SMAD2: variants seen among roughly 807,000 people sequenced by gnomAD.
SMAD2 encodes the protein SMAD family member 2, also known as MAD homolog 2.
SMAD2 carries 8 observed loss-of-function variants against 64.4 expected under a neutral mutation model. That is an observed-to-expected ratio of 0.12 (90% confidence interval 0.07 to 0.22). SMAD2 has a LOEUF of 0.22. Among genes scored for constraint, SMAD2 ranks in the 10% least tolerant of loss-of-function variants. The pLI, the probability that SMAD2 is intolerant of heterozygous loss-of-function variation, is 1.00. For synonymous variants in SMAD2, 203 were observed against 195.8 expected (o/e 1.04, Z -0.31); for missense variants, 289 against 561.2 (o/e 0.51, Z 4.90).
At chr18:47,842,448 G>C (rs1016148176) in intron 10 of SMAD2, among the ~76,000 whole-genome samples, 2 of 152,072 alleles carry the variant, frequency 1.3e-5, no homozygotes, top group African/African-American at 4.8e-5. Flanking sequence ...GCTGAGACAG[G>C]AGAGTCACTT....
intron 1 of SMAD2, among the ~76,000 whole-genome samples, chr18:47,920,906 A>G (rs2034533939): frequency 6.6e-6 from 1 of 152,216 alleles, no homozygotes; most frequent in Non-Finnish European, 1.5e-5. Context: ...TGTAATCCCA[A>G]AACTTTGAGG....
At position 47,818,196 on chromosome 18, in the gene SMAD2, G is replaced by T. The variant is rs145574739; in HGVS notation, c.*23631C>A. On this transcript the variant is annotated 3_prime_UTR_variant, in exon 11 of 11. Transcript: ENST00000262160. ...CTGCTGTTTCTGCCAGTGTTGAGATGAAACTCACTCCTTACGGCATTCCAG... is the reference window on the plus strand; with the variant it reads ...CTGCTGTTTCTGCCAGTGTTGAGATTAAACTCACTCCTTACGGCATTCCAG... 6 of 151,742 alleles carry T rather than the reference G, an allele frequency of 4.0e-5. No homozygotes were observed. Among genetic ancestry groups the T allele is most frequent in the African/African-American group, 1.5e-4 (6 of 41,268 alleles). The allele number at this position is 151,742 out of a possible 1,614,324, so 9.4% of individuals were successfully genotyped here.
At position 47,840,162 on chromosome 18, in the gene SMAD2, C is replaced by T. The variant is rs1913804317; in HGVS notation, c.*1665G>A. On this transcript the variant is annotated 3_prime_UTR_variant, in exon 11 of 11. Transcript: ENST00000262160. ...CACAAATATAGGAAAATGGGGAGTA[C>T]CCAATAGAAAACCACCAAATGTTGA... The T allele has an allele frequency of 4.3e-6, 1 of 232,826 alleles. No homozygotes were observed. Among genetic ancestry groups the T allele is most frequent in the South Asian group, 1.8e-4 (1 of 5,508 alleles). 14.4% of individuals were successfully genotyped at this position (232,826 alleles called of 1,614,324 possible). A position where few individuals can be genotyped will look rare whatever the true frequency, so the allele number is the denominator to read the frequency against.
At position 47,865,096 on chromosome 18, in the gene SMAD2, T is replaced by C; in HGVS notation, c.693A>G (p.Glu231=). ...TTTGATTCAACTGTTGGTCACTTGT[T>C]TCTCCATCTTCACTGATATATCCAG... ...PPPGYISEDG[E]TSDQQLNQSM... The change falls in exon 6 of 11, where the codon GAA becomes GAG. Residue 231 remains glutamate, a synonymous_variant. Coordinates refer to ENST00000262160, the MANE Select transcript of SMAD2 (RefSeq NM_005901.6). 1 of 1,611,404 alleles carries C rather than the reference T, an allele frequency of 6.2e-7. No homozygotes were observed. Among genetic ancestry groups the C allele is most frequent in the Middle Eastern group, 1.7e-4 (1 of 6,028 alleles).
At chr18:47,919,245 A>C (rs971121740) in intron 1 of SMAD2, among the ~76,000 whole-genome samples, 1 of 152,142 alleles carries the variant, frequency 6.6e-6, no homozygotes, top group Non-Finnish European at 1.5e-5. Flanking sequence ...GCCAGAACAA[A>C]GGCATTTTCA....
At position 47,851,334 on chromosome 18, in the gene SMAD2, C is replaced by CA. The variant is rs1299965595; in HGVS notation, c.731-8dup. ...GATAGTTCTGCTGGAGAGCCTAAAACAAAAGGATTTAAAAATAAATGAAGT... is the reference window on the plus strand; with the variant it reads ...GATAGTTCTGCTGGAGAGCCTAAAACAAAAAGGATTTAAAAATAAATGAAGT... On this transcript the variant is annotated splice_polypyrimidine_tract_variant and splice_region_variant and intron_variant, in intron 6 of 10. Transcript: ENST00000262160. 6.3e-7 allele frequency: 1 copy of CA among 1,594,818 alleles called. No individual in the cohort carries two copies. The highest frequency in any genetic ancestry group is 1.3e-5 in the African/African-American group (1 of 74,392).
rs1390529539 is a variant in SMAD2, at chr18:47,832,196, G to A, written c.*9631C>T. On this transcript the variant is annotated 3_prime_UTR_variant, in exon 11 of 11. Transcript: ENST00000262160. Reference sequence around the variant, plus strand: ...TCTTCAGCCATTTGATGAACATGTGGAATTATGGATGCTAGGGCCATTATA... The same window carrying A: ...TCTTCAGCCATTTGATGAACATGTGAAATTATGGATGCTAGGGCCATTATA... The A allele has an allele frequency of 6.6e-6, 1 of 152,126 alleles. No homozygotes were observed. The allele number at this position is 152,126 out of a possible 1,614,324, so 9.4% of individuals were successfully genotyped here. A position where few individuals can be genotyped will look rare whatever the true frequency, so the allele number is the denominator to read the frequency against.
chr18:47,895,605 A>T (rs1162659946), intron 2 of SMAD2: 1 of 152,264 alleles, frequency 6.6e-6, no homozygotes, highest in Admixed American at 6.5e-5. Flanking sequence ...AAACCAAAAA[A>T]GCAACCTTTA....
intron 6 of SMAD2, among the ~76,000 whole-genome samples, chr18:47,862,617 AC>A (rs1220587274): frequency 6.6e-6 from 1 of 152,336 alleles, no homozygotes; most frequent in East Asian, 1.9e-4. Flanking sequence ...AACTACATTT[AC>A]AAAGATGCTA....
rs1913185530 is a variant in SMAD2, at chr18:47,834,151, G to A, written c.*7676C>T. On this transcript the variant is annotated 3_prime_UTR_variant, in exon 11 of 11. Coordinates refer to ENST00000262160, the MANE Select transcript of SMAD2 (RefSeq NM_005901.6). Reference sequence around the variant, plus strand: ...TATCAGAAATGTTGACAGCCATAGTGCAGCTGAGTTTAGAAGCAACTATGA... The same window carrying A: ...TATCAGAAATGTTGACAGCCATAGTACAGCTGAGTTTAGAAGCAACTATGA... 4.7e-6 allele frequency: 1 copy of A among 213,156 alleles called. No homozygotes were observed. Among genetic ancestry groups the A allele is most frequent in the Non-Finnish European group, 9.5e-6 (1 of 105,462 alleles). The allele number at this position is 213,156 out of a possible 1,614,324, so 13.2% of individuals were successfully genotyped here.
At chr18:47,924,380 G>A (rs985588990) in intron 1 of SMAD2, among the ~76,000 whole-genome samples, 11 of 151,980 alleles carry the variant, frequency 7.2e-5, no homozygotes, top group Admixed American at 3.9e-4. Flanking sequence ...GAAGGCTCAC[G>A]GGCCCAGCTT....
At position 47,917,260 on chromosome 18, in the gene SMAD2, C is replaced by T. The variant is rs967711209; in HGVS notation, c.-54+13101G>A. On this transcript the variant is annotated intron_variant, in intron 1 of 10. Transcript: ENST00000262160. Reference sequence around the variant, plus strand: ...AGAGGTATATTAAAATTTTCTACTACGATTATAGATTTGATTTATACCTGT... The same window carrying T: ...AGAGGTATATTAAAATTTTCTACTATGATTATAGATTTGATTTATACCTGT... Among the ~76,000 whole-genome samples the T allele has an allele frequency of 4.6e-5, 7 of 152,142 alleles. No homozygotes were observed. In the East Asian group the frequency reaches 9.6e-4, roughly 21 times the overall value.
At chr18:47,909,968 C>T (rs1490393315) in intron 1 of SMAD2, among the ~76,000 whole-genome samples, 1 of 151,718 alleles carries the variant, frequency 6.6e-6, no homozygotes, top group Non-Finnish European at 1.5e-5. Context: ...GTCAATGTTA[C>T]AAAAAAGAAC....
chr18:47,886,570 C>CATCCATCTATCT (rs1555655792), intron 2 of SMAD2, among the ~76,000 whole-genome samples: 4 of 146,704 alleles, frequency 2.7e-5, no homozygotes, highest in Non-Finnish European at 6.0e-5. Flanking sequence ...TATATCTATC[C>CATCCATCTATCT]ATCTATCTAT....
In SMAD2 at chr18:47,836,129, G is replaced by A. The variant is rs1598733230; in HGVS notation, c.*5698C>T. On this transcript the variant is annotated 3_prime_UTR_variant, in exon 11 of 11. Coordinates refer to ENST00000262160, the MANE Select transcript of SMAD2 (RefSeq NM_005901.6). ...GTCAAGGATGGCCCAGAGAATCTTGGAAAATCCATTTATATTGAGCAAAGA... is the reference window on the plus strand; with the variant it reads ...GTCAAGGATGGCCCAGAGAATCTTGAAAAATCCATTTATATTGAGCAAAGA... The A allele has an allele frequency of 4.6e-6, 1 of 218,800 alleles. No homozygotes were observed. The allele number at this position is 218,800 out of a possible 1,614,324, so 13.6% of individuals were successfully genotyped here. A position where few individuals can be genotyped will look rare whatever the true frequency, so the allele number is the denominator to read the frequency against.
chr18:47,846,629 G>A (rs79515383), intron 8 of SMAD2, among the ~76,000 whole-genome samples: 7 of 152,302 alleles, frequency 4.6e-5, no homozygotes, highest in African/African-American at 9.6e-5. Context: ...TGACTTTGAA[G>A]ATGGATGGCA....
rs771669020 is a variant in SMAD2, at chr18:47,851,260, T to C, written c.784+14A>G. 3.2e-6 allele frequency: 5 copies of C among 1,573,748 alleles called. No homozygotes were observed. The Admixed American group carries it at 6.7e-5, about 21-fold the overall frequency. ...CAGTATAAAAATGATGAGGGGAACA[T>C]ATGTGCAACTTACCCAAGCTATGAT... On this transcript the variant is annotated intron_variant, in intron 7 of 10. Coordinates refer to ENST00000262160, the MANE Select transcript of SMAD2 (RefSeq NM_005901.6).
intron 2 of SMAD2, among the ~76,000 whole-genome samples, chr18:47,877,699 ATATT>A (rs1408303243): frequency 6.6e-6 from 1 of 152,156 alleles, no homozygotes; most frequent in Non-Finnish European, 1.5e-5. Context: ...TCTCTTCCCC[ATATT>A]TTATTTGCAA....
rs140706725 is a variant in SMAD2, at chr18:47,876,442, C to T, written c.237-5878G>A. ...ACGTATGTTATCTCACGCAAAGTCC[C>T]AAAGTTCTTTGCATGGAACAGTTTC... On this transcript the variant is annotated intron_variant, in intron 2 of 10. Coordinates refer to ENST00000262160, the MANE Select transcript of SMAD2 (RefSeq NM_005901.6). Among the ~76,000 whole-genome samples the T allele has an allele frequency of 4.5e-3, 679 of 152,090 alleles. 5 individuals carry two copies. The highest frequency in any genetic ancestry group is 0.016 in the African/African-American group (649 of 41,542).
Sources: allele counts gnomAD v4.1 joint callset (sites outside exome capture counted in the v4.1 genomes callset), GRCh38; gene constraint gnomAD v4.1.1; transcripts MANE v1.5; gene names NCBI Gene and HGNC (gene_info 2026-07-23, HGNC 2026-07-21).